The following TLL1 variants were observed in gnomAD, a reference collection of about 807,000 sequenced individuals.
TLL1 encodes tolloid like 1, also known as tolloid-like protein 1.
Under a neutral mutation model 128.2 loss-of-function variants are expected in TLL1, and 49 were observed. The observed-to-expected ratio is 0.38, with a 90% confidence interval of 0.30 to 0.48. The LOEUF is 0.48. Among genes scored for constraint, TLL1 ranks in the 20% least tolerant of loss-of-function variants. The probability of loss-of-function intolerance (pLI) is 0.96; values close to 1 mark genes in which losing one functional copy is unlikely to be tolerated. For missense variants in TLL1, 1,123 were observed against 1,242.0 expected, an observed-to-expected ratio of 0.90 and a Z score of 1.44; for synonymous variants, 454 against 418.8, an observed-to-expected ratio of 1.08 and a Z score of -1.03.
rs192128100 is a variant in TLL1 at position 165,912,490 on chromosome 4, C to G, written c.169+38417C>G. On this transcript the variant is annotated intron_variant, in intron 1 of 20. Coordinates refer to ENST00000061240, the MANE Select transcript of TLL1 (RefSeq NM_012464.5). ...AAACCTGCCAGAGTATTAGAAGCAC[C>G]TGGAGAAATTTCTTAAAATTAAAGA... Among the ~76,000 whole-genome samples the G allele has an allele frequency of 6.5e-3, 988 of 152,330 alleles. 10 individuals carry two copies. The highest frequency in any genetic ancestry group is 0.02 in the Middle Eastern group (6 of 294).
At position 166,097,681 on chromosome 4, in the gene TLL1, T is replaced by C. The variant is rs577475590; in HGVS notation, c.2657-1596T>C. Among the ~76,000 whole-genome samples the C allele has an allele frequency of 2.0e-5, 3 of 152,266 alleles. No individual in the cohort carries two copies. The South Asian group carries it at 6.2e-4, about 32-fold the overall frequency. ...CAAACCACAATATGGGTAAACTATA[T>C]TCAAATCTGAAAAGTCCAATTTAGA... On this transcript the variant is annotated intron_variant, in intron 19 of 20. Transcript: ENST00000061240.
At chr4:165,946,292 C>T (rs573902743) in intron 1 of TLL1, among the ~76,000 whole-genome samples, 3 of 152,030 alleles carry the variant, frequency 2.0e-5, no homozygotes, top group South Asian at 2.1e-4. Flanking sequence ...GAGCCAAGAC[C>T]GACAGGAGTT....
chr4:165,924,779 G>A (rs554459119), intron 1 of TLL1, among the ~76,000 whole-genome samples: 17 of 152,158 alleles, frequency 1.1e-4, no homozygotes, highest in Non-Finnish European at 2.1e-4. Context: ...TGACTTCGAA[G>A]CTTCAAAGGA....
chr4:166,024,595 AC>A (rs2111068140), intron 8 of TLL1, among the ~76,000 whole-genome samples: 1 of 152,322 alleles, frequency 6.6e-6, no homozygotes, highest in Admixed American at 6.5e-5. Context: ...CTGGGTGAAC[AC>A]AGATCCTGAT....
chr4:166,060,329 C>G, intron 15 of TLL1, 141 bp downstream of exon 15: 1 of 917,642 alleles, frequency 1.1e-6, no homozygotes, highest in Non-Finnish European at 1.7e-6. Context: ...ATTTCTGCAA[C>G]TGCTTATGAA....
chr4:166,082,789 T>C (rs1248345654), intron 18 of TLL1, among the ~76,000 whole-genome samples: 1 of 152,096 alleles, frequency 6.6e-6, no homozygotes, highest in Non-Finnish European at 1.5e-5. Context: ...GCAATTCTCC[T>C]GCCTCAGCCT....
Position 165,976,034 on chromosome 4 carries a change from C to CAAAAAAA in TLL1, c.170-13329_170-13323dup, listed in dbSNP as rs1169297533. On this transcript the variant is annotated intron_variant, in intron 1 of 20. Coordinates refer to ENST00000061240, the MANE Select transcript of TLL1 (RefSeq NM_012464.5). ...TGGGTAACAGAGTGAGATTCCATCTCAAAAAAAAAAAAAAAAAAAAAAAAG... is the reference window on the plus strand; with the variant it reads ...TGGGTAACAGAGTGAGATTCCATCTCAAAAAAAAAAAAAAAAAAAAAAAAAAAAAAAG... Among the ~76,000 whole-genome samples the CAAAAAAA allele has an allele frequency of 7.5e-3, 539 of 72,040 alleles. 49 individuals carry two copies. The highest frequency in any genetic ancestry group is 0.021 in the African/African-American group (440 of 20,630). The allele number at this position is 72,040 out of a possible 152,430, so 47.3% of individuals were successfully genotyped here.
At chr4:165,874,189 G>T (rs1279743755) in intron 1 of TLL1, 116 bp downstream of exon 1, 2 of 1,280,094 alleles carry the variant, frequency 1.6e-6, no homozygotes, top group African/African-American at 3.0e-5. Flanking sequence ...CCCCTCCGCC[G>T]CCCCTCCTTC....
rs770399006 is a variant in TLL1 at position 166,000,202 on chromosome 4, A to G, written c.633-3189A>G. 9.2e-5 allele frequency among the ~76,000 whole-genome samples: 14 copies of G among 152,252 alleles called. 1 individual carries two copies. Among genetic ancestry groups the G allele is most frequent in the Non-Finnish European group, 1.6e-4 (11 of 68,044 alleles). On this transcript the variant is annotated intron_variant, in intron 5 of 20. Transcript: ENST00000061240. ...TACAAGAAAACAGCATCAAACCTGG[A>G]TGACATTAGAAACTAAGATAATATT...
intron 12 of TLL1, among the ~76,000 whole-genome samples, chr4:166,045,978 A>G (rs150565260): frequency 0.015 from 2,281 of 152,288 alleles, 56 homozygotes; most frequent in African/African-American, 0.05. Flanking sequence ...TCCAACTACC[A>G]GAATTTATGC....
intron 1 of TLL1, among the ~76,000 whole-genome samples, chr4:165,964,418 C>A (rs1735268367): frequency 6.6e-6 from 1 of 152,112 alleles, no homozygotes; most frequent in Admixed American, 6.6e-5. Flanking sequence ...CACTTAATGC[C>A]TCTAGGTATG....
In TLL1 at chr4:166,043,289, A is replaced by C; in HGVS notation, c.1394A>C (p.Glu465Ala). ...CTTTCTTCAGCGATCTGTGGAGGTG[A>C]GATACGTAAAAATGAAGGACAGATT... ...AAVYEAICGG[E>A]IRKNEGQIQS... The change falls in exon 12 of 21, where the codon GAG becomes GCG. Residue 465 changes from glutamate to alanine, a missense_variant. Physicochemically the swap from Glu to Ala is moderately radical, Grantham distance 107 (BLOSUM62 -1). Transcript: ENST00000061240. 6.2e-7 allele frequency: 1 copy of C among 1,614,120 alleles called. No homozygotes were observed. The highest frequency in any genetic ancestry group is 1.1e-5 in the South Asian group (1 of 91,082).
intron 16 of TLL1, among the ~76,000 whole-genome samples, chr4:166,073,215 G>C (rs545215464): frequency 6.6e-6 from 1 of 152,058 alleles, no homozygotes; most frequent in South Asian, 2.1e-4. Context: ...ACAAATTCAC[G>C]CAATTTACTG....
chr4:165,900,732 A>G (rs1731946632), intron 1 of TLL1, among the ~76,000 whole-genome samples: 1 of 152,130 alleles, frequency 6.6e-6, no homozygotes, highest in South Asian at 2.1e-4. Context: ...GCTATTTTCA[A>G]GGAGTATCTT....
At chr4:165,875,078 G>A (rs1406658144) in intron 1 of TLL1, 4 of 152,656 alleles carry the variant, frequency 2.6e-5, no homozygotes, top group Non-Finnish European at 5.9e-5. Context: ...TTGCATGGTG[G>A]TTGGGGCTAA....
Position 165,958,693 on chromosome 4 carries a change from T to C in TLL1, c.170-30688T>C, listed in dbSNP as rs914535331. Among the ~76,000 whole-genome samples, 4 of 141,412 alleles carry C rather than the reference T, an allele frequency of 2.8e-5. No homozygotes were observed. In the East Asian group the frequency reaches 6.4e-4, roughly 23 times the overall value. The allele number at this position is 141,412 out of a possible 152,430, so 92.8% of individuals were successfully genotyped here. ...TCACTCTGATGGTAGTTTCTTTTGCTGTGCAGAAGCTCTTTAGTTTAATTA... is the reference window on the plus strand; with the variant it reads ...TCACTCTGATGGTAGTTTCTTTTGCCGTGCAGAAGCTCTTTAGTTTAATTA... On this transcript the variant is annotated intron_variant, in intron 1 of 20. Transcript: ENST00000061240.
intron 1 of TLL1, among the ~76,000 whole-genome samples, chr4:165,890,564 A>G (rs1731354171): frequency 6.6e-6 from 1 of 152,210 alleles, no homozygotes; most frequent in South Asian, 2.1e-4. Context: ...TCTGGAATCA[A>G]GGGGGGCAGT....
chr4:166,041,983 G>C, intron 10 of TLL1, 44 bp from the exon 11 acceptor site: 2 of 1,305,170 alleles, frequency 1.5e-6, no homozygotes, highest in Middle Eastern at 1.8e-4. Context: ...GTAGAATATA[G>C]AGTCCTATTT....
At chr4:165,973,881 G>T (rs1014574955) in intron 1 of TLL1, among the ~76,000 whole-genome samples, 2 of 152,050 alleles carry the variant, frequency 1.3e-5, no homozygotes, top group East Asian at 3.9e-4. Flanking sequence ...GGTCAGGCTG[G>T]TTTCAAACTC....
Sources: allele counts gnomAD v4.1 joint callset (sites outside exome capture counted in the v4.1 genomes callset), GRCh38; gene constraint gnomAD v4.1.1; transcripts MANE v1.5; gene names NCBI Gene and HGNC (gene_info 2026-07-23, HGNC 2026-07-21).